The following ATP6V0D2 variants were observed in gnomAD, a reference collection of about 807,000 sequenced individuals.
ATP6V0D2 encodes the protein V-type proton ATPase subunit d 2.
A neutral mutation model predicts 40.0 loss-of-function variants in ATP6V0D2; 40 were observed. The ratio of observed to expected loss-of-function variants is 1.00; its 90% confidence interval spans 0.78 to 1.30. The LOEUF (loss-of-function observed/expected upper bound fraction) is 1.30. Ranked by LOEUF, ATP6V0D2 falls within the 50% of genes most tolerant of loss-of-function variation. The pLI is 0.00. For missense variants in ATP6V0D2, 470 were observed against 423.1 expected, an observed-to-expected ratio of 1.11 and a Z score of -0.97; for synonymous variants, 179 against 156.3, an observed-to-expected ratio of 1.15 and a Z score of -1.08.
intron 2 of ATP6V0D2, among the ~76,000 whole-genome samples, chr8:86,123,486 T>C (rs941384382): frequency 2.0e-5 from 3 of 152,172 alleles, no homozygotes; most frequent in Non-Finnish European, 4.4e-5. Context: ...GGATGGAACT[T>C]AAAGCAGAGA....
rs192575259 is a variant in ATP6V0D2, at chr8:86,108,444, C to T, written c.131-5265C>T. Among the ~76,000 whole-genome samples, 189 of 152,300 alleles carry T rather than the reference C, an allele frequency of 1.2e-3. 3 individuals are homozygous for T. The highest frequency in any genetic ancestry group is 4.4e-3 in the African/African-American group (181 of 41,588). On this transcript the variant is annotated intron_variant, in intron 1 of 7. Transcript: ENST00000285393. ...GGCGTGAGCCACTGTACCAGACAACCTTGTTTAATCCCCAAAACAACCTGA... is the reference window on the plus strand; with the variant it reads ...GGCGTGAGCCACTGTACCAGACAACTTTGTTTAATCCCCAAAACAACCTGA...
intron 2 of ATP6V0D2, among the ~76,000 whole-genome samples, chr8:86,119,793 G>C (rs866743429): frequency 6.6e-6 from 1 of 152,106 alleles, no homozygotes; most frequent in Non-Finnish European, 1.5e-5. Flanking sequence ...TGTTACTAAA[G>C]GATATATTTT....
intron 2 of ATP6V0D2, among the ~76,000 whole-genome samples, chr8:86,132,298 G>A (rs1344990747): frequency 2.0e-5 from 3 of 152,018 alleles, no homozygotes; most frequent in African/African-American, 7.3e-5. Context: ...CAGGGTATCT[G>A]AGGAGTCTAT....
At chr8:86,146,600 G>T (rs1819072292) in intron 5 of ATP6V0D2, among the ~76,000 whole-genome samples, 1 of 152,188 alleles carries the variant, frequency 6.6e-6, no homozygotes, top group African/African-American at 2.4e-5. Flanking sequence ...GGAGGCTGAG[G>T]TGGGAAGATC....
In ATP6V0D2 at chr8:86,153,386, C is replaced by A. The variant is rs79538938; in HGVS notation, c.*409C>A. On this transcript the variant is annotated 3_prime_UTR_variant, in exon 8 of 8. Coordinates refer to ENST00000285393, the MANE Select transcript of ATP6V0D2 (RefSeq NM_152565.1). ...AAATTTTTTTCTAGACAGGGTCTCA[C>A]TCTGTCACCTAGGCTACAGTGCAGT... 0.014 allele frequency: 2,141 copies of A among 156,912 alleles called. 64 individuals are homozygous for A. The highest frequency in any genetic ancestry group is 0.048 in the African/African-American group (2,002 of 41,566). The allele number at this position is 156,912 out of a possible 1,614,324, so 9.7% of individuals were successfully genotyped here.
chr8:86,127,649 C>T (rs981340591), intron 2 of ATP6V0D2, among the ~76,000 whole-genome samples: 1 of 152,172 alleles, frequency 6.6e-6, no homozygotes, highest in Non-Finnish European at 1.5e-5. Context: ...GTCTCAAACT[C>T]CTGAGCTCAA....
At chr8:86,104,871 A>G (rs1459391261) in intron 1 of ATP6V0D2, among the ~76,000 whole-genome samples, 2 of 151,796 alleles carry the variant, frequency 1.3e-5, no homozygotes, top group African/African-American at 4.9e-5. Flanking sequence ...ACACACACAC[A>G]CACACACATC....
rs370694869 is a variant in ATP6V0D2 at position 86,145,707 on chromosome 8, C to A, written c.639+2753C>A. On this transcript the variant is annotated intron_variant, in intron 5 of 7. Transcript: ENST00000285393. ...CAACTACTAGCCATACTATAAGAAT[C>A]CATATTATCTATGGCTCAAAAGTAG... is the stretch of plus-strand genomic sequence containing the variant. 8.6e-4 allele frequency among the ~76,000 whole-genome samples: 131 copies of A among 152,242 alleles called. 1 individual carries two copies. Among genetic ancestry groups the A allele is most frequent in the African/African-American group, 2.7e-3 (114 of 41,540 alleles).
At chr8:86,124,236 T>G (rs1818710537) in intron 2 of ATP6V0D2, among the ~76,000 whole-genome samples, 1 of 152,178 alleles carries the variant, frequency 6.6e-6, no homozygotes, top group Non-Finnish European at 1.5e-5. Flanking sequence ...TGCTTAAAAC[T>G]CTCAAGCATT....
At chr8:86,145,274 A>T (rs1204957567) in intron 5 of ATP6V0D2, among the ~76,000 whole-genome samples, 1 of 91,380 alleles carries the variant, frequency 1.1e-5, no homozygotes, top group Non-Finnish European at 2.5e-5. Flanking sequence ...AGAAAGAAAG[A>T]AAGAAAGAAA....
At chr8:86,136,279 G>A (rs1231028773) in intron 2 of ATP6V0D2, among the ~76,000 whole-genome samples, 2 of 152,190 alleles carry the variant, frequency 1.3e-5, no homozygotes, top group Non-Finnish European at 2.9e-5. Flanking sequence ...ACACACTGTA[G>A]AGGCAGGTCT....
intron 5 of ATP6V0D2, among the ~76,000 whole-genome samples, chr8:86,145,654 G>C (rs1819059828): frequency 6.6e-6 from 1 of 152,118 alleles, no homozygotes. Flanking sequence ...GTGACCCTAT[G>C]AAGCCCTATC....
chr8:86,110,069 T>C (rs1818512370), intron 1 of ATP6V0D2, among the ~76,000 whole-genome samples: 1 of 152,232 alleles, frequency 6.6e-6, no homozygotes, highest in Non-Finnish European at 1.5e-5. Context: ...ATATTTATCA[T>C]ATGCAACATG....
At position 86,101,462 on chromosome 8, in the gene ATP6V0D2, G is replaced by GAA. The variant is rs59915079; in HGVS notation, c.130+2376_130+2377dup. 1.3e-3 allele frequency among the ~76,000 whole-genome samples: 98 copies of GAA among 78,114 alleles called. 2 individuals carry two copies. The highest frequency in any genetic ancestry group is 1.5e-3 in the Non-Finnish European group (60 of 40,108). The allele number at this position is 78,114 out of a possible 152,430, so 51.2% of individuals were successfully genotyped here. A position where few individuals can be genotyped will look rare whatever the true frequency, so the allele number is the denominator to read the frequency against. On this transcript the variant is annotated intron_variant, in intron 1 of 7. Coordinates refer to ENST00000285393, the MANE Select transcript of ATP6V0D2 (RefSeq NM_152565.1). Reference sequence around the variant, plus strand: ...GCGACAGAGTGAGACCCTGTCTCAGGAAAAAAAAAAAAAAAAAAAAAAAGA... The same window carrying GAA: ...GCGACAGAGTGAGACCCTGTCTCAGGAAAAAAAAAAAAAAAAAAAAAAAAAGA...
At chr8:86,106,913 G>T (rs1818476456) in intron 1 of ATP6V0D2, among the ~76,000 whole-genome samples, 1 of 152,020 alleles carries the variant, frequency 6.6e-6, no homozygotes, top group Non-Finnish European at 1.5e-5. Flanking sequence ...GCTCATGTTT[G>T]TAATCCTAGC....
At chr8:86,121,826 C>T (rs554211213) in intron 2 of ATP6V0D2, among the ~76,000 whole-genome samples, 2 of 152,004 alleles carry the variant, frequency 1.3e-5, no homozygotes, top group Non-Finnish European at 2.9e-5. Context: ...CCCGAGACAA[C>T]GTTATACAAA....
intron 5 of ATP6V0D2, among the ~76,000 whole-genome samples, chr8:86,144,830 C>A (rs751421381): frequency 1.3e-5 from 2 of 150,118 alleles, no homozygotes; most frequent in Non-Finnish European, 3.0e-5. Context: ...CCATGCCCAG[C>A]TAAGTGTTTT....
rs1238523627 is a variant in ATP6V0D2, at chr8:86,141,432, G to T, written c.482-18G>T. 2 of 1,599,242 alleles carry T rather than the reference G, an allele frequency of 1.3e-6. No homozygotes were observed. Among genetic ancestry groups the T allele is most frequent in the Non-Finnish European group, 1.7e-6 (2 of 1,170,716 alleles). On this transcript the variant is annotated intron_variant, in intron 3 of 7. Transcript: ENST00000285393. Reference sequence around the variant, plus strand: ...TTGCTTAAGATTCATTTTTTGGTATGGCAATTTCTGCTTTCAGCTCCATTC... The same window carrying T: ...TTGCTTAAGATTCATTTTTTGGTATTGCAATTTCTGCTTTCAGCTCCATTC...
intron 7 of ATP6V0D2, 24 bp downstream of exon 7, chr8:86,151,564 T>G: frequency 1.3e-6 from 2 of 1,548,204 alleles, no homozygotes; most frequent in Non-Finnish European, 1.8e-6. Context: ...GGAAATACTA[T>G]TAGCTTATTT....
Sources: allele counts gnomAD v4.1 joint callset (sites outside exome capture counted in the v4.1 genomes callset), GRCh38; gene constraint gnomAD v4.1.1; transcripts MANE v1.5; gene names NCBI Gene and HGNC (gene_info 2026-07-23, HGNC 2026-07-21).